Variants in PHACTR1 observed in about 807,000 individuals in gnomAD.
PHACTR1 encodes RPEL repeat containing 1.
In PHACTR1, 16 loss-of-function variants were observed where a neutral mutation model predicts 69.2. That is an observed-to-expected ratio of 0.23 (90% CI 0.16 to 0.35). The LOEUF is 0.35. Ranked by LOEUF, PHACTR1 falls within the 10% of genes least tolerant of loss-of-function variation. The probability of loss-of-function intolerance (pLI) is 1.00; values close to 1 mark genes in which losing one functional copy is unlikely to be tolerated. For synonymous variants in PHACTR1, 312 were observed against 284.5 expected, an observed-to-expected ratio of 1.10 and a Z score of -0.97; for missense variants, 510 against 734.7, an observed-to-expected ratio of 0.69 and a Z score of 3.54.
chr6:12,915,506 C>CAAAA (rs1225757251), intron 4 of PHACTR1, among the ~76,000 whole-genome samples: 16 of 50,220 alleles, frequency 3.2e-4, no homozygotes, highest in Non-Finnish European at 4.9e-4. Flanking sequence ...AACTCTCTCT[C>CAAAA]AAAAAAAAAA....
At chr6:12,814,994 G>A (rs1269575811) in intron 4 of PHACTR1, among the ~76,000 whole-genome samples, 3 of 152,184 alleles carry the variant, frequency 2.0e-5, no homozygotes, top group African/African-American at 4.8e-5. Context: ...AGTACTTTGT[G>A]TTTATCCATC....
chr6:12,719,486 T>C (rs1329498220), intron 3 of PHACTR1, among the ~76,000 whole-genome samples: 1 of 152,154 alleles, frequency 6.6e-6, no homozygotes, highest in Non-Finnish European at 1.5e-5. Context: ...GAGTGTTATA[T>C]GGGATCTCGT....
At chr6:13,077,110 CA>C (rs374473091) in intron 5 of PHACTR1, among the ~76,000 whole-genome samples, 2,504 of 103,822 alleles carry the variant, frequency 0.024, 68 homozygotes, top group African/African-American at 0.086. Context: ...AAATAAAGTA[CA>C]AAAAAAAACA....
chr6:12,829,968 G>GAGAGAC (rs952164302), intron 4 of PHACTR1, among the ~76,000 whole-genome samples: 1 of 131,104 alleles, frequency 7.6e-6, no homozygotes, highest in African/African-American at 2.8e-5. Flanking sequence ...GAAAGAAAGA[G>GAGAGAC]AGAGAGAGAG....
chr6:12,772,667 G>A (rs187639269), intron 4 of PHACTR1, among the ~76,000 whole-genome samples: 7 of 152,098 alleles, frequency 4.6e-5, no homozygotes, highest in Non-Finnish European at 8.8e-5. Context: ...GTACTTGGGC[G>A]TGGATCTCAT....
chr6:13,075,641 C>T (rs558657280), intron 5 of PHACTR1, among the ~76,000 whole-genome samples: 9 of 152,214 alleles, frequency 5.9e-5, no homozygotes, highest in Non-Finnish European at 8.8e-5. Flanking sequence ...CCCTTGCGGC[C>T]GTCCTTCTTT....
chr6:12,718,545 G>T, intron 2 of PHACTR1, 154 bp from the exon 3 acceptor site: 1 of 337,168 alleles, frequency 3.0e-6, no homozygotes, highest in East Asian at 4.6e-5. Flanking sequence ...CGGTAGGAAA[G>T]CTATGCTGGG....
chr6:12,808,968 C>G (rs993027710), intron 4 of PHACTR1, among the ~76,000 whole-genome samples: 1 of 151,982 alleles, frequency 6.6e-6, no homozygotes, highest in African/African-American at 2.4e-5. Flanking sequence ...ACCTTCACTT[C>G]CCGGGCTCAA....
intron 6 of PHACTR1, among the ~76,000 whole-genome samples, chr6:13,175,416 C>G (rs1583728096): frequency 6.6e-6 from 1 of 152,140 alleles, no homozygotes; most frequent in Admixed American, 6.6e-5. Flanking sequence ...ACTAAGGTCC[C>G]CAGAAGCTAA....
At chr6:13,102,705 C>T (rs767720820) in intron 5 of PHACTR1, among the ~76,000 whole-genome samples, 1 of 152,168 alleles carries the variant, frequency 6.6e-6, no homozygotes, top group Non-Finnish European at 1.5e-5. Context: ...AAAATGTTGC[C>T]ATTGTTTCCA....
intron 4 of PHACTR1, among the ~76,000 whole-genome samples, chr6:12,894,110 G>A (rs938973002): frequency 2.6e-5 from 4 of 152,008 alleles, no homozygotes; most frequent in African/African-American, 7.3e-5. Flanking sequence ...TGAATGATTG[G>A]GCACAGGTTC....
In PHACTR1 at chr6:13,283,727, TC is replaced by T; in HGVS notation, c.1650+166del. On this transcript the variant is annotated intron_variant, in intron 13 of 14. Transcript: ENST00000332995. This position sits in a 1 kb window ranked among gnomAD's most constrained non-coding sequence, Gnocchi z 4.7. ...ACCTTTCCCCAGGGGCCACAGATAA[TC>T]TGCGGAAAGGCTGCTGAATCGGAGA... is the stretch of plus-strand genomic sequence containing the variant. 9.9e-7 allele frequency: 1 copy of T among 1,012,896 alleles called. No homozygotes were observed. Among genetic ancestry groups the T allele is most frequent in the South Asian group, 1.5e-5 (1 of 68,026 alleles). 62.7% of individuals were successfully genotyped at this position (1,012,896 alleles called of 1,614,324 possible). A position where few individuals can be genotyped will look rare whatever the true frequency, so the allele number is the denominator to read the frequency against.
chr6:12,876,595 C>G (rs1782548049), intron 4 of PHACTR1, among the ~76,000 whole-genome samples: 1 of 152,170 alleles, frequency 6.6e-6, no homozygotes, highest in Non-Finnish European at 1.5e-5. Flanking sequence ...GATATTTAAT[C>G]TGTATTGTCT....
chr6:12,920,197 A>G (rs1787486430), intron 4 of PHACTR1, among the ~76,000 whole-genome samples: 1 of 152,248 alleles, frequency 6.6e-6, no homozygotes, highest in Admixed American at 6.5e-5. Flanking sequence ...GTGAACAAAG[A>G]GAGGAGAGAT....
chr6:13,094,169 C>T (rs1361812488), intron 5 of PHACTR1, among the ~76,000 whole-genome samples: 1 of 152,094 alleles, frequency 6.6e-6, no homozygotes, highest in African/African-American at 2.4e-5. Context: ...GTGTGAGCCA[C>T]CACACATGGC....
chr6:13,013,747 C>A (rs1451220174), intron 4 of PHACTR1, among the ~76,000 whole-genome samples: 1 of 149,814 alleles, frequency 6.7e-6, no homozygotes, highest in South Asian at 2.1e-4. Flanking sequence ...CGGCGCCCTC[C>A]CCGACCCGCC....
chr6:12,766,296 A>G (rs2127618132), intron 4 of PHACTR1, among the ~76,000 whole-genome samples: 1 of 152,344 alleles, frequency 6.6e-6, no homozygotes, highest in East Asian at 1.9e-4. Flanking sequence ...TCATAGAAGG[A>G]AAATTATTAA....
At chr6:13,078,199 A>G (rs932161035) in intron 5 of PHACTR1, among the ~76,000 whole-genome samples, 1 of 152,076 alleles carries the variant, frequency 6.6e-6, no homozygotes, top group African/African-American at 2.4e-5. Flanking sequence ...AATCTGTTCC[A>G]TGTATCTCCC....
intron 5 of PHACTR1, among the ~76,000 whole-genome samples, chr6:13,102,498 C>T (rs1009452323): frequency 1.3e-5 from 2 of 152,204 alleles, no homozygotes; most frequent in African/African-American, 4.8e-5. Context: ...ACAGGGAGAA[C>T]TTCAGCATTT....
Sources: gnomAD v4.1 joint callset for allele counts (sites outside exome capture counted in the v4.1 genomes callset) on GRCh38, gnomAD v4.1.1 for gene constraint, Gnocchi (gnomAD v3.1) non-coding constraint, MANE v1.5 for transcripts, NCBI Gene and HGNC (gene_info 2026-07-23, HGNC 2026-07-21) for gene names.